Variants in CLDN1 observed in about 807,000 individuals in gnomAD.
CLDN1 encodes the protein claudin 1.
A neutral mutation model predicts 22.6 loss-of-function variants in CLDN1; 12 were observed. The ratio of observed to expected loss-of-function variants is 0.53; its 90% CI spans 0.34 to 0.86. The LOEUF (loss-of-function observed/expected upper bound fraction) is 0.86. CLDN1 is among the 40% of genes least tolerant of loss of function. CLDN1 has a pLI of 0.02. For synonymous variants in CLDN1, 99 were observed against 103.8 expected, an observed-to-expected ratio of 0.95 and a Z score of 0.28; for missense variants, 250 against 269.5, an observed-to-expected ratio of 0.93 and a Z score of 0.51.
intron 2 of CLDN1, among the ~76,000 whole-genome samples, chr3:190,311,902 T>G (rs1228268319): frequency 6.6e-6 from 1 of 151,970 alleles, no homozygotes; most frequent in Non-Finnish European, 1.5e-5. Flanking sequence ...TGACACATAA[T>G]GTAACTTATC....
At position 190,308,429 on chromosome 3, in the gene CLDN1, C is replaced by A. The variant is rs766730136; in HGVS notation, c.484G>T (p.Gly162Cys). 6 of 1,613,468 alleles carry A rather than the reference C, an allele frequency of 3.7e-6. No individual in the cohort carries two copies. The highest frequency in any genetic ancestry group is 3.4e-6 in the Non-Finnish European group (4 of 1,179,682). The stretch of plus-strand genomic sequence containing the variant: ...GCCCAGCCAGTGAAGAGAGCCTGAC[C>A]AAATTCGTACCTAAAAGGAAAAACC... The part of the protein sequence containing the change: ...MTPVNARYEF[G>C]QALFTGWAAA... The change falls in exon 4 of 4, where the codon GGT (glycine) becomes TGT (cysteine). Residue 162 changes from glycine (G) to cysteine (C), a missense_variant. By Grantham distance (159) the Gly-to-Cys change is radical. Coordinates refer to ENST00000295522, the MANE Select transcript of CLDN1 (RefSeq NM_021101.5).
At chr3:190,308,684 T>C (rs1419986134) in intron 3 of CLDN1, among the ~76,000 whole-genome samples, 2 of 152,188 alleles carry the variant, frequency 1.3e-5, no homozygotes, top group African/African-American at 4.8e-5. Context: ...ATTACACAAA[T>C]AATTCCAAGG....
At position 190,322,440 on chromosome 3, in the gene CLDN1, C is replaced by G; in HGVS notation, c.-234G>C. The stretch of plus-strand genomic sequence containing the variant: ...CTGCGGTTGCTCCCAGGCTCGGGAA[C>G]TGAGACGCAGAACCGCTGGGCGCCG... On this transcript the variant is annotated 5_prime_UTR_variant, in exon 1 of 4. Coordinates refer to ENST00000295522, the MANE Select transcript of CLDN1 (RefSeq NM_021101.5). The G allele has an allele frequency of 1.7e-6, 1 of 579,268 alleles. No individual in the cohort carries two copies. Among genetic ancestry groups the G allele is most frequent in the Non-Finnish European group, 3.1e-6 (1 of 323,024 alleles). The allele number at this position is 579,268 out of a possible 1,614,324, so 35.9% of individuals were successfully genotyped here. A position where few individuals can be genotyped will look rare whatever the true frequency, so the allele number is the denominator to read the frequency against.
At chr3:190,319,170 A>G (rs1372286084) in intron 1 of CLDN1, among the ~76,000 whole-genome samples, 1 of 152,176 alleles carries the variant, frequency 6.6e-6, no homozygotes, top group Non-Finnish European at 1.5e-5. Context: ...AAGCAAGCAC[A>G]TAAAATTGGC....
chr3:190,312,894 C>T lies in CLDN1; in HGVS notation c.366G>A (p.Gly122=), dbSNP rs56271702. 13,358 of 1,614,040 alleles carry T rather than the reference C, an allele frequency of 8.3e-3. 939 individuals carry two copies. In the African/African-American group the frequency reaches 0.16, roughly 19 times the overall value. Residue 122 remains glycine (G), a synonymous_variant, in exon 2 of 4, where the codon GGG becomes GGA. Transcript: ENST00000295522. ...TACCTGCAAGAAGAAATATCGCACC[C>T]CCAATGACAGCCATCCTCATCTTCT... ...EVQKMRMAVI[G]GAIFLLAGLA... is the part of the protein sequence containing the mutation.
At chr3:190,321,506 T>A (rs1318932280) in intron 1 of CLDN1, among the ~76,000 whole-genome samples, 1 of 152,146 alleles carries the variant, frequency 6.6e-6, no homozygotes, top group Non-Finnish European at 1.5e-5. Context: ...TATGAAAAAA[T>A]CATATTAAAG....
In CLDN1 at chr3:190,312,855, G is replaced by C; in HGVS notation, c.388+17C>G. The C allele has an allele frequency of 6.2e-7, 1 of 1,613,494 alleles. No individual in the cohort carries two copies. The highest frequency in any genetic ancestry group is 8.5e-7 in the Non-Finnish European group (1 of 1,179,460). On this transcript the variant is annotated intron_variant, in intron 2 of 3. Transcript: ENST00000295522. ...GAACAGGTTAGTAAGGTGAAAGGGG[G>C]GCACAGCCTCTATTACCTGCAAGAA...
intron 1 of CLDN1, among the ~76,000 whole-genome samples, chr3:190,315,827 T>C (rs1716750595): frequency 6.6e-6 from 1 of 152,158 alleles, no homozygotes; most frequent in African/African-American, 2.4e-5. Flanking sequence ...CAGAGTAGTC[T>C]TCAAGAGAAG....
At chr3:190,320,073 TG>T (rs3836453) in intron 1 of CLDN1, among the ~76,000 whole-genome samples, 1 of 151,824 alleles carries the variant, frequency 6.6e-6, no homozygotes. Context: ...AAAGTGTGTG[TG>T]GGGGGGTAGG....
At chr3:190,316,721 C>T (rs1716779648) in intron 1 of CLDN1, among the ~76,000 whole-genome samples, 1 of 152,176 alleles carries the variant, frequency 6.6e-6, no homozygotes, top group African/African-American at 2.4e-5. Flanking sequence ...TGAAAAGTCA[C>T]ATGGATTTAT....
rs1426162566 is a variant in CLDN1, at chr3:190,310,189, A to T, written c.453T>A (p.Pro151=). The T allele has an allele frequency of 1.2e-6, 2 of 1,613,812 alleles. No individual in the cohort carries two copies. The highest frequency in any genetic ancestry group is 1.7e-6 in the Non-Finnish European group (2 of 1,179,732). ...GNRIVQEFYD[P]MTPVNARYEF... ...GTTACCTGGCATTGACTGGGGTCAT[A>T]GGGTCATAGAATTCTTGAACGATTC... The change falls in exon 3 of 4, where the codon CCT becomes CCA. Residue 151 remains proline (P), a synonymous_variant. Coordinates refer to ENST00000295522, the MANE Select transcript of CLDN1 (RefSeq NM_021101.5).
At chr3:190,316,917 T>A (rs1284105722) in intron 1 of CLDN1, among the ~76,000 whole-genome samples, 1 of 152,234 alleles carries the variant, frequency 6.6e-6, no homozygotes, top group Admixed American at 6.5e-5. Flanking sequence ...CTTAGGTCAC[T>A]GATAACTAGA....
intron 1 of CLDN1, among the ~76,000 whole-genome samples, chr3:190,314,295 T>C (rs1355578562): frequency 1.3e-5 from 2 of 152,234 alleles, no homozygotes; most frequent in Non-Finnish European, 2.9e-5. Context: ...TCACCAATCA[T>C]AATTGAAGCT....
chr3:190,319,530 G>T (rs1017547838), intron 1 of CLDN1, among the ~76,000 whole-genome samples: 1 of 152,098 alleles, frequency 6.6e-6, no homozygotes, highest in African/African-American at 2.4e-5. Context: ...CTTTATGAAG[G>T]TCATATGCTT....
Position 190,322,218 on chromosome 3 carries a change from G to A in CLDN1, c.-12C>T. Reference sequence around the variant, plus strand: ...CCCGCGTTGGCCATGACTCGCTCGGGCGCCCGCGCTGGCTCAGGGGTGGCA... The same window carrying A: ...CCCGCGTTGGCCATGACTCGCTCGGACGCCCGCGCTGGCTCAGGGGTGGCA... On this transcript the variant is annotated 5_prime_UTR_variant, in exon 1 of 4. Transcript: ENST00000295522. The A allele has an allele frequency of 6.2e-7, 1 of 1,612,756 alleles. No individual in the cohort carries two copies. Among genetic ancestry groups the A allele is most frequent in the South Asian group, 1.1e-5 (1 of 91,044 alleles).
At position 190,312,890 on chromosome 3, in the gene CLDN1, C is replaced by T. The variant is rs140846629; in HGVS notation, c.370G>A (p.Ala124Thr). ...CTATTACCTGCAAGAAGAAATATCG[C>T]ACCCCCAATGACAGCCATCCTCATC... is the stretch of plus-strand genomic sequence containing the variant. The part of the protein sequence containing the change: ...QKMRMAVIGG[A>T]IFLLAGLAIL... The change falls in exon 2 of 4, where the codon GCG (alanine) becomes ACG (threonine). Residue 124 changes from alanine to threonine, a missense_variant. By Grantham distance (58) the Ala-to-Thr change is moderately conservative. Coordinates refer to ENST00000295522, the MANE Select transcript of CLDN1 (RefSeq NM_021101.5). 5,432 of 1,613,992 alleles carry T rather than the reference C, an allele frequency of 3.4e-3. 33 individuals carry two copies. Among genetic ancestry groups the T allele is most frequent in the Non-Finnish European group, 2.8e-3 (3,355 of 1,179,922 alleles).
chr3:190,322,181 A>G lies in CLDN1; in HGVS notation c.26T>C (p.Leu9Ser). The stretch of plus-strand genomic sequence containing the variant: ...TCCCAGGAAGGCGAGAATGAAGCCC[A>G]ACAGCTGCAGCCCCGCGTTGGCCAT... Reference protein sequence around the residue: MANAGLQLLGFILAFLGWI... With the variant: MANAGLQLSGFILAFLGWI... The change falls in exon 1 of 4, where the codon TTG becomes TCG. Residue 9 changes from leucine to serine, a missense_variant. By Grantham distance (145) the Leu-to-Ser change is moderately radical. Coordinates refer to ENST00000295522, the MANE Select transcript of CLDN1 (RefSeq NM_021101.5). 6.2e-7 allele frequency: 1 copy of G among 1,614,044 alleles called. No individual in the cohort carries two copies. Among genetic ancestry groups the G allele is most frequent in the South Asian group, 1.1e-5 (1 of 91,084 alleles).
chr3:190,311,226 A>C (rs1716608643), intron 2 of CLDN1, among the ~76,000 whole-genome samples: 1 of 152,206 alleles, frequency 6.6e-6, no homozygotes, highest in African/African-American at 2.4e-5. Context: ...GAGTTACAAG[A>C]AGGCAAGCGA....
In CLDN1 at chr3:190,306,799, A is replaced by C. The variant is rs2108603972; in HGVS notation, c.*1478T>G. 6.5e-6 allele frequency: 1 copy of C among 153,020 alleles called. No homozygotes were observed. The allele number at this position is 153,020 out of a possible 1,614,324, so 9.5% of individuals were successfully genotyped here. A position where few individuals can be genotyped will look rare whatever the true frequency, so the allele number is the denominator to read the frequency against. ...CAGACACAGCTGAAAGAATGGAAATAGACTGGTAGAGAGAGGAAGGCACTG... is the reference window on the plus strand; with the variant it reads ...CAGACACAGCTGAAAGAATGGAAATCGACTGGTAGAGAGAGGAAGGCACTG... On this transcript the variant is annotated 3_prime_UTR_variant, in exon 4 of 4. Coordinates refer to ENST00000295522, the MANE Select transcript of CLDN1 (RefSeq NM_021101.5).
Sources: allele counts gnomAD v4.1 joint callset (sites outside exome capture counted in the v4.1 genomes callset), GRCh38; gene constraint gnomAD v4.1.1; transcripts MANE v1.5; gene names NCBI Gene and HGNC (gene_info 2026-07-23, HGNC 2026-07-21).